Variants in RPRD2 observed in about 807,000 individuals in gnomAD.
RPRD2 encodes the protein regulation of nuclear pre-mRNA domain-containing protein 2.
In RPRD2, 12 loss-of-function variants were observed where a neutral mutation model predicts 104.4. The ratio of observed to expected loss-of-function variants is 0.11; its 90% CI spans 0.07 to 0.19. RPRD2 has a LOEUF of 0.19. Ranked by LOEUF, RPRD2 falls within the 10% of genes least tolerant of loss-of-function variation. RPRD2 has a pLI of 1.00. For synonymous variants in RPRD2, 714 were observed against 684.9 expected (o/e 1.04, Z -0.66); for missense variants, 1,543 against 1,790.1 (o/e 0.86, Z 2.49).
At chr1:150,384,953 CTA>C (rs1416340041) in intron 1 of RPRD2, among the ~76,000 whole-genome samples, 96 of 151,990 alleles carry the variant, frequency 6.3e-4, no homozygotes, top group African/African-American at 2.3e-3. Context: ...GAGTTAAAGG[CTA>C]TAAGGCATGA....
At chr1:150,366,270 T>G (rs587620788) in intron 1 of RPRD2, among the ~76,000 whole-genome samples, 2 of 152,394 alleles carry the variant, frequency 1.3e-5, no homozygotes, top group South Asian at 4.1e-4. Flanking sequence ...CCATTGCTCC[T>G]GTAGTGTTTT....
At chr1:150,462,238 C>T (rs1415320958) in intron 9 of RPRD2, among the ~76,000 whole-genome samples, 6 of 151,748 alleles carry the variant, frequency 4.0e-5, no homozygotes, top group Admixed American at 3.9e-4. Context: ...GCCAAGATCA[C>T]GCCACTGCAC....
chr1:150,423,941 C>G (rs113371939), intron 2 of RPRD2, among the ~76,000 whole-genome samples: 7,250 of 151,738 alleles, frequency 0.048, 434 homozygotes, highest in African/African-American at 0.13. Context: ...TACAGGCATG[C>G]GCCACCACGC....
chr1:150,436,635 G>A (rs935530224), intron 2 of RPRD2, among the ~76,000 whole-genome samples: 7 of 151,374 alleles, frequency 4.6e-5, no homozygotes, highest in Non-Finnish European at 1.0e-4. Context: ...GGGCATGGTG[G>A]CTCACACCTG....
Position 150,397,539 on chromosome 1 carries a change from C to T in RPRD2, c.206-20057C>T, listed in dbSNP as rs142909550. ...TTTGACCTTATAGTTTTGACTCTTC[C>T]AGAATGTCATGTAAATGGAGTGATG... is the stretch of plus-strand genomic sequence containing the variant. On this transcript the variant is annotated intron_variant, in intron 1 of 10. Transcript: ENST00000369068. Among the ~76,000 whole-genome samples, 158 of 152,138 alleles carry T rather than the reference C, an allele frequency of 1.0e-3. 2 individuals are homozygous for T. Among genetic ancestry groups the T allele is most frequent in the African/African-American group, 3.4e-3 (142 of 41,496 alleles).
chr1:150,423,688 C>A (rs587765761), intron 2 of RPRD2, among the ~76,000 whole-genome samples: 2 of 152,068 alleles, frequency 1.3e-5, no homozygotes, highest in East Asian at 3.9e-4. Context: ...TTTTTGAGCA[C>A]CAACATGATG....
chr1:150,391,149 A>G (rs1231566356), intron 1 of RPRD2, among the ~76,000 whole-genome samples: 2 of 152,204 alleles, frequency 1.3e-5, no homozygotes, highest in African/African-American at 4.8e-5. Context: ...TGGAAGCAAG[A>G]GGACATTGGA....
intron 1 of RPRD2, among the ~76,000 whole-genome samples, chr1:150,404,960 A>G (rs1426447205): frequency 6.6e-6 from 1 of 152,128 alleles, no homozygotes; most frequent in Non-Finnish European, 1.5e-5. Flanking sequence ...ATTCTTACCT[A>G]TTATAGCATG....
rs1560230126 is a variant in RPRD2, at chr1:150,470,934, G to C, written c.1986G>C (p.Glu662Asp). The C allele has an allele frequency of 1.2e-6, 2 of 1,613,990 alleles. No individual in the cohort carries two copies. The highest frequency in any genetic ancestry group is 1.6e-4 in the Middle Eastern group (1 of 6,062). ...SEVSKPKLES[E>D]STSPSLEMKI... is the part of the protein sequence containing the mutation. ...TCTCCAAGCCAAAGCTGGAGTCAGA[G>C]TCCACCTCCCCAAGCCTGGAAATGA... The change falls in exon 11 of 11, where the codon GAG becomes GAC. Residue 662 changes from glutamate (E) to aspartate (D), a missense_variant. By Grantham distance (45) the Glu-to-Asp change is conservative. Transcript: ENST00000369068.
chr1:150,399,477 C>T (rs1297224109), intron 1 of RPRD2, among the ~76,000 whole-genome samples: 1 of 152,106 alleles, frequency 6.6e-6, no homozygotes, highest in African/African-American at 2.4e-5. Flanking sequence ...CGATTGCCGG[C>T]TGGGCGCGGT....
chr1:150,448,148 C>G (rs1282408490), intron 7 of RPRD2, among the ~76,000 whole-genome samples: 1 of 152,072 alleles, frequency 6.6e-6, no homozygotes, highest in African/African-American at 2.4e-5. Context: ...CAGCTTCAAT[C>G]AACTATATTT....
chr1:150,415,597 G>T (rs905413493), intron 1 of RPRD2, among the ~76,000 whole-genome samples: 3 of 151,958 alleles, frequency 2.0e-5, no homozygotes, highest in African/African-American at 7.3e-5. Context: ...GAGGTGGGAG[G>T]ATCACCTGAG....
At chr1:150,388,391 CAT>C (rs1282139033) in intron 1 of RPRD2, among the ~76,000 whole-genome samples, 1 of 150,116 alleles carries the variant, frequency 6.7e-6, no homozygotes, top group Non-Finnish European at 1.5e-5. Context: ...CACGTATACA[CAT>C]GTATATACGT....
chr1:150,385,627 T>A (rs1409092941), intron 1 of RPRD2, among the ~76,000 whole-genome samples: 3 of 152,278 alleles, frequency 2.0e-5, no homozygotes, highest in Non-Finnish European at 4.4e-5. Flanking sequence ...GGCTTTGCCA[T>A]GTCCTTTGAC....
intron 1 of RPRD2, among the ~76,000 whole-genome samples, chr1:150,401,233 A>G (rs1315960767): frequency 1.3e-5 from 2 of 150,122 alleles, no homozygotes; most frequent in Non-Finnish European, 3.0e-5. Flanking sequence ...CATGCCTGTA[A>G]TCCCAGCACT....
intron 2 of RPRD2, among the ~76,000 whole-genome samples, chr1:150,433,373 CTCTG>C (rs1665736365): frequency 6.7e-6 from 1 of 148,800 alleles, no homozygotes; most frequent in African/African-American, 2.5e-5. Context: ...CCCTCTCTCT[CTCTG>C]TCTGTATATA....
intron 7 of RPRD2, among the ~76,000 whole-genome samples, chr1:150,455,939 TAGCTGGCACTACAGGC>T (rs1316492202): frequency 6.6e-6 from 1 of 152,070 alleles, no homozygotes; most frequent in Non-Finnish European, 1.5e-5. Flanking sequence ...GCCCCCTAAG[TAGCTGGCACTACAGGC>T]AGCTGGGACT....
chr1:150,456,134 GT>G (rs1465563393), intron 7 of RPRD2, among the ~76,000 whole-genome samples: 2 of 151,674 alleles, frequency 1.3e-5, no homozygotes, highest in Non-Finnish European at 2.9e-5. Context: ...CCCAGCCCCT[GT>G]TTTTTAAAAC....
At position 150,473,445 on chromosome 1, in the gene RPRD2, A is replaced by G. The variant is rs587649430; in HGVS notation, c.*111A>G. ...TCTCTTTCTCGATTTTTTTTTTATT[A>G]TAACAAAGGGCCTCTCTTCCAAAGT... On this transcript the variant is annotated 3_prime_UTR_variant, in exon 11 of 11. Transcript: ENST00000369068. 2.9e-6 allele frequency: 3 copies of G among 1,042,600 alleles called. No individual in the cohort carries two copies. The highest frequency in any genetic ancestry group is 4.1e-6 in the Non-Finnish European group (3 of 735,912). The allele number at this position is 1,042,600 out of a possible 1,614,324, so 64.6% of individuals were successfully genotyped here.
Sources: allele counts gnomAD v4.1 joint callset (sites outside exome capture counted in the v4.1 genomes callset), GRCh38; gene constraint gnomAD v4.1.1; transcripts MANE v1.5; gene names NCBI Gene and HGNC (gene_info 2026-07-23, HGNC 2026-07-21).